TRPM7: variants seen among roughly 807,000 people sequenced by gnomAD.
The protein encoded by TRPM7 is LTRPC ion channel family member 7.
A neutral mutation model predicts 229.7 loss-of-function variants in TRPM7; 134 were observed. That is an observed-to-expected ratio of 0.58 (90% CI 0.51 to 0.67). The LOEUF is 0.67. Ranked by LOEUF, TRPM7 falls within the 30% of genes least tolerant of loss-of-function variation. TRPM7 has a pLI of 0.00. For missense variants in TRPM7, 1,901 were observed against 2,210.0 expected, an observed-to-expected ratio of 0.86 and a Z score of 2.80; for synonymous variants, 699 against 715.2, an observed-to-expected ratio of 0.98 and a Z score of 0.36.
intron 2 of TRPM7, among the ~76,000 whole-genome samples, chr15:50,661,811 T>C (rs1275918795): frequency 6.6e-6 from 1 of 152,234 alleles, no homozygotes; most frequent in Non-Finnish European, 1.5e-5. Context: ...CAAATACTTT[T>C]GTCAATTAAT....
intron 6 of TRPM7, among the ~76,000 whole-genome samples, chr15:50,639,105 T>A (rs1323147954): frequency 1.3e-5 from 2 of 152,228 alleles, no homozygotes; most frequent in Non-Finnish European, 2.9e-5. Context: ...TTAATTCTCA[T>A]GTCATGTAGT....
intron 19 of TRPM7, among the ~76,000 whole-genome samples, chr15:50,608,173 A>G (rs17645649): frequency 0.33 from 50,018 of 152,048 alleles, 10,046 homozygotes; most frequent in Admixed American, 0.47. Flanking sequence ...CAAAAAGTGG[A>G]AAAAATGTGA....
chr15:50,634,615 GA>G (rs1359033157), intron 7 of TRPM7, 59 bp from the exon 8 acceptor site: 144 of 1,242,424 alleles, frequency 1.2e-4, no homozygotes, highest in South Asian at 4.4e-4. Context: ...TTCTCTCCAA[GA>G]AAAAAAAATT....
chr15:50,563,852 A>G (rs1412421219), intron 38 of TRPM7, among the ~76,000 whole-genome samples: 1 of 152,036 alleles, frequency 6.6e-6, no homozygotes, highest in Admixed American at 6.6e-5. Context: ...TTTTATGTGT[A>G]GCCCAAGACA....
intron 12 of TRPM7, among the ~76,000 whole-genome samples, chr15:50,623,144 T>C (rs1046991170): frequency 1.3e-5 from 2 of 152,124 alleles, no homozygotes; most frequent in African/African-American, 4.8e-5. Context: ...CCGGGTGCAG[T>C]GGCTCACGCC....
At chr15:50,672,314 C>T (rs2062007639) in intron 1 of TRPM7, among the ~76,000 whole-genome samples, 1 of 151,960 alleles carries the variant, frequency 6.6e-6, no homozygotes, top group African/African-American at 2.4e-5. Context: ...CCTTGGCCTC[C>T]CAAAGTGCTA....
At chr15:50,669,593 A>G (rs1034561814) in intron 1 of TRPM7, among the ~76,000 whole-genome samples, 1 of 152,252 alleles carries the variant, frequency 6.6e-6, no homozygotes, top group Non-Finnish European at 1.5e-5. Context: ...ATAACAAAGC[A>G]AATCGGTCAT....
At chr15:50,678,899 A>C (rs2062164863) in intron 1 of TRPM7, among the ~76,000 whole-genome samples, 1 of 152,090 alleles carries the variant, frequency 6.6e-6, no homozygotes, top group Non-Finnish European at 1.5e-5. Flanking sequence ...TTTGAGACGA[A>C]GTCTCGCTCT....
Position 50,560,008 on chromosome 15 carries a change from G to A in TRPM7, c.*1670C>T, listed in dbSNP as rs1182234435. On this transcript the variant is annotated 3_prime_UTR_variant, in exon 39 of 39. Transcript: ENST00000646667. ...AGCCCAAGCAACAGAGCGAGACTCC[G>A]TCTCAAAAAAAAAAAAAAAAAAAAA... The A allele has an allele frequency of 1.1e-4, 10 of 94,522 alleles. No individual in the cohort carries two copies. Among genetic ancestry groups the A allele is most frequent in the South Asian group, 4.0e-4 (1 of 2,506 alleles). 5.9% of individuals were successfully genotyped at this position (94,522 alleles called of 1,614,324 possible).
chr15:50,681,293 A>AC (rs1555436714), intron 1 of TRPM7, among the ~76,000 whole-genome samples: 7 of 151,606 alleles, frequency 4.6e-5, no homozygotes, highest in African/African-American at 7.3e-5. Context: ...ACACACACAC[A>AC]AAGCATTCAG....
At chr15:50,682,042 G>C (rs948711966) in intron 1 of TRPM7, among the ~76,000 whole-genome samples, 1 of 151,840 alleles carries the variant, frequency 6.6e-6, no homozygotes, top group African/African-American at 2.4e-5. Context: ...GTCAGGCATG[G>C]TGGCAGGCAC....
chr15:50,638,929 C>T (rs187798477), intron 6 of TRPM7, among the ~76,000 whole-genome samples: 243 of 152,294 alleles, frequency 1.6e-3, no homozygotes, highest in Non-Finnish European at 2.6e-3. Flanking sequence ...GATCAGCCCG[C>T]CTCAGCCTCC....
In TRPM7 at chr15:50,561,590, T is replaced by A; in HGVS notation, c.*88A>T. ...TTCAACTTGCATACACCTTTCTATATTACCAAACAATTTCCTCCCGAGGGA... is the reference window on the plus strand; with the variant it reads ...TTCAACTTGCATACACCTTTCTATAATACCAAACAATTTCCTCCCGAGGGA... On this transcript the variant is annotated 3_prime_UTR_variant, in exon 39 of 39. Coordinates refer to ENST00000646667, the MANE Select transcript of TRPM7 (RefSeq NM_017672.6). 6.6e-7 allele frequency: 1 copy of A among 1,521,882 alleles called. No homozygotes were observed. The highest frequency in any genetic ancestry group is 2.3e-5 in the East Asian group (1 of 43,852). The allele number at this position is 1,521,882 out of a possible 1,614,324, so 94.3% of individuals were successfully genotyped here.
chr15:50,634,832 G>C (rs919566961), intron 7 of TRPM7, among the ~76,000 whole-genome samples: 1 of 151,950 alleles, frequency 6.6e-6, no homozygotes, highest in Non-Finnish European at 1.5e-5. Context: ...ATAATAGACA[G>C]CAAATAATTT....
At chr15:50,585,880 T>C (rs921365388) in intron 28 of TRPM7, among the ~76,000 whole-genome samples, 2 of 152,222 alleles carry the variant, frequency 1.3e-5, no homozygotes, top group African/African-American at 4.8e-5. Context: ...ATGTATTGTC[T>C]GTGACCTTTT....
chr15:50,676,492 G>A (rs770087057), intron 1 of TRPM7, among the ~76,000 whole-genome samples: 3 of 152,082 alleles, frequency 2.0e-5, no homozygotes, highest in Non-Finnish European at 4.4e-5. Flanking sequence ...GCCAAGATGG[G>A]AGGACTGCTT....
rs1437239099 is a variant in TRPM7, at chr15:50,557,378, C to T, written c.*4300G>A. ...CAATCCAGTGAAGTCTTGAGGGTCC[C>T]TTCCCTCTGTGAAGCATATAATCTA... On this transcript the variant is annotated 3_prime_UTR_variant, in exon 39 of 39. Transcript: ENST00000646667. 1 of 152,130 alleles carries T rather than the reference C, an allele frequency of 6.6e-6. No individual in the cohort carries two copies. Among genetic ancestry groups the T allele is most frequent in the African/African-American group, 2.4e-5 (1 of 41,428 alleles). The allele number at this position is 152,130 out of a possible 1,614,324, so 9.4% of individuals were successfully genotyped here.
chr15:50,642,084 T>G (rs1244894083), intron 5 of TRPM7, among the ~76,000 whole-genome samples: 1 of 152,176 alleles, frequency 6.6e-6, no homozygotes, highest in Non-Finnish European at 1.5e-5. Context: ...GAAAGTAATC[T>G]GCCCTCTTTA....
At chr15:50,614,517 T>C (rs895841980) in intron 13 of TRPM7, among the ~76,000 whole-genome samples, 1 of 151,794 alleles carries the variant, frequency 6.6e-6, no homozygotes, top group Admixed American at 6.6e-5. Flanking sequence ...ACAAAAAAAT[T>C]AGCCAGGCAA....
Sources: gnomAD v4.1 joint callset for allele counts (sites outside exome capture counted in the v4.1 genomes callset) on GRCh38, gnomAD v4.1.1 for gene constraint, MANE v1.5 for transcripts, NCBI Gene and HGNC (gene_info 2026-07-23, HGNC 2026-07-21) for gene names.